The following SETD3 variants were observed in gnomAD, a reference collection of about 807,000 sequenced individuals.
SETD3 encodes the protein actin-histidine N-methyltransferase.
SETD3 carries 19 observed loss-of-function variants against 63.0 expected under a neutral mutation model. That is an observed-to-expected ratio of 0.30 (90% CI 0.21 to 0.44). SETD3 has a LOEUF of 0.44. Ranked by LOEUF, SETD3 falls within the 20% of genes least tolerant of loss-of-function variation. The pLI is 1.00. For missense variants in SETD3, 587 were observed against 728.5 expected, an observed-to-expected ratio of 0.81 and a Z score of 2.24; for synonymous variants, 286 against 264.1, an observed-to-expected ratio of 1.08 and a Z score of -0.80.
At chr14:99,428,233 G>A in intron 6 of SETD3, among the ~76,000 whole-genome samples, 1 of 152,202 alleles carries the variant, frequency 6.6e-6, no homozygotes. Context: ...GAGTTTGCTG[G>A]CACTTGAGAG....
At chr14:99,419,788 A>G (rs1892486849) in intron 6 of SETD3, among the ~76,000 whole-genome samples, 1 of 144,198 alleles carries the variant, frequency 6.9e-6, no homozygotes, top group Non-Finnish European at 1.5e-5. Flanking sequence ...AAAAAAAACA[A>G]AAAAAAAAAC....
At chr14:99,481,532 G>C (rs1038981241), upstream of SETD3, 1 of 398,534 alleles carries the variant, frequency 2.5e-6, no homozygotes, top group South Asian at 1.3e-4. Context: ...CGTATCTGGA[G>C]GTCGGAGTAG....
chr14:99,447,870 G>A (rs1367858400), intron 6 of SETD3, among the ~76,000 whole-genome samples: 1 of 152,202 alleles, frequency 6.6e-6, no homozygotes, highest in Non-Finnish European at 1.5e-5. Context: ...AAACGAAGAG[G>A]TGGAGTGATC....
chr14:99,401,452 C>A (rs1486668507), intron 11 of SETD3, among the ~76,000 whole-genome samples: 2 of 152,166 alleles, frequency 1.3e-5, no homozygotes, highest in African/African-American at 4.8e-5. Context: ...AACTGAAGAA[C>A]TGCGGCTGCC....
chr14:99,430,235 G>GCA (rs1198571320), intron 6 of SETD3, among the ~76,000 whole-genome samples: 2 of 152,196 alleles, frequency 1.3e-5, no homozygotes, highest in Non-Finnish European at 2.9e-5. Context: ...GCACAGATAT[G>GCA]CACACACACA....
At chr14:99,455,974 G>A (rs1894736200) in intron 6 of SETD3, among the ~76,000 whole-genome samples, 1 of 152,230 alleles carries the variant, frequency 6.6e-6, no homozygotes, top group African/African-American at 2.4e-5. Context: ...CGCCAACGTG[G>A]CGAAACTCCA....
intron 8 of SETD3, among the ~76,000 whole-genome samples, chr14:99,407,392 C>T (rs1251397796): frequency 6.6e-6 from 1 of 152,186 alleles, no homozygotes; most frequent in Non-Finnish European, 1.5e-5. Context: ...GACTTTCTTC[C>T]TCATTCCTCT....
rs1566867814 is a variant in SETD3 at position 99,398,744 on chromosome 14, T to C, written c.1720A>G (p.Ser574Gly). 1 of 1,614,248 alleles carries C rather than the reference T, an allele frequency of 6.2e-7. No homozygotes were observed. Among genetic ancestry groups the C allele is most frequent in the Non-Finnish European group, 8.5e-7 (1 of 1,180,048 alleles). Residue 574 changes from serine (S) to glycine (G), a missense_variant, in exon 13 of 13, where the codon AGT becomes GGT. Coordinates refer to ENST00000331768, the MANE Select transcript of SETD3 (RefSeq NM_032233.3). ...TTGGCGTCTTCAACTGCTCTTTTAC[T>C]TTCTTGATTGAGACTTTCATTTTCG... ...RSENESLNQE[S>G]KRAVEDAKGS...
At chr14:99,478,080 G>C (rs906018342) in intron 1 of SETD3, among the ~76,000 whole-genome samples, 8 of 152,052 alleles carry the variant, frequency 5.3e-5, no homozygotes, top group African/African-American at 1.9e-4. Context: ...ACTATAGCAG[G>C]AGAGAAAAGA....
chr14:99,475,880 C>G (rs1285983942), intron 1 of SETD3, among the ~76,000 whole-genome samples: 1 of 152,180 alleles, frequency 6.6e-6, no homozygotes, highest in Non-Finnish European at 1.5e-5. Flanking sequence ...TAGGACAAGA[C>G]AGTAATCAAC....
rs556008654 is a variant in SETD3, at chr14:99,459,076, T to C, written c.418+37A>G. 31 of 1,507,756 alleles carry C rather than the reference T, an allele frequency of 2.1e-5. 1 individual carries two copies. In the South Asian group the frequency reaches 3.7e-4, roughly 18 times the overall value. 93.4% of individuals were successfully genotyped at this position (1,507,756 alleles called of 1,614,324 possible). A position where few individuals can be genotyped will look rare whatever the true frequency, so the allele number is the denominator to read the frequency against. On this transcript the variant is annotated intron_variant, in intron 5 of 12. Transcript: ENST00000331768. ...ATGGAATTTTACATATTTTTGTCATTTGTGCTTTGCCTTGAAGAGTCAGAA... is the reference window on the plus strand; with the variant it reads ...ATGGAATTTTACATATTTTTGTCATCTGTGCTTTGCCTTGAAGAGTCAGAA...
chr14:99,406,824 T>C (rs545515485), intron 8 of SETD3, among the ~76,000 whole-genome samples: 6 of 152,298 alleles, frequency 3.9e-5, no homozygotes, highest in Non-Finnish European at 7.4e-5. Context: ...GAAGCACAGT[T>C]AGATAAAGAG....
At chr14:99,440,607 G>A (rs761331372) in intron 6 of SETD3, among the ~76,000 whole-genome samples, 7 of 152,098 alleles carry the variant, frequency 4.6e-5, no homozygotes, top group Non-Finnish European at 5.9e-5. Context: ...GGAGTGGAAC[G>A]TGGCAATGGG....
chr14:99,410,218 G>C (rs370769322), intron 8 of SETD3: 1 of 1,613,752 alleles, frequency 6.2e-7, no homozygotes, highest in Non-Finnish European at 8.5e-7. Context: ...TCTGGTGTCT[G>C]AAGAATAGCA....
chr14:99,436,258 G>A lies in SETD3; in HGVS notation c.675+22021C>T, dbSNP rs141200074. On this transcript the variant is annotated intron_variant, in intron 6 of 12. Coordinates refer to ENST00000331768, the MANE Select transcript of SETD3 (RefSeq NM_032233.3). ...CACAAAGCCTAACCAGATCACCACC[G>A]TACTTCCGCCTTCCAAGTGACTCCC... Among the ~76,000 whole-genome samples the A allele has an allele frequency of 9.2e-5, 14 of 152,224 alleles. No homozygotes were observed. The East Asian group carries it at 1.9e-3, about 21-fold the overall frequency.
At chr14:99,443,143 G>A (rs1177319436) in intron 6 of SETD3, among the ~76,000 whole-genome samples, 1 of 151,752 alleles carries the variant, frequency 6.6e-6, no homozygotes, top group African/African-American at 2.4e-5. Flanking sequence ...AACAAATGTG[G>A]GTTTTTACAT....
intron 8 of SETD3, among the ~76,000 whole-genome samples, chr14:99,409,573 G>A (rs1297838614): frequency 1.3e-5 from 2 of 152,082 alleles, no homozygotes; most frequent in Non-Finnish European, 2.9e-5. Flanking sequence ...TTCTAGTTTC[G>A]TTTACATATT....
chr14:99,405,833 T>C (rs1891651942), intron 9 of SETD3, among the ~76,000 whole-genome samples: 1 of 152,268 alleles, frequency 6.6e-6, no homozygotes, highest in African/African-American at 2.4e-5. Flanking sequence ...CTAGATCCTC[T>C]GGCAATTAAT....
chr14:99,455,913 G>C (rs181050893), intron 6 of SETD3, among the ~76,000 whole-genome samples: 1 of 152,372 alleles, frequency 6.6e-6, no homozygotes, highest in Admixed American at 6.5e-5. Context: ...CCAGCACTTT[G>C]GGAGGACAAG....
Sources: allele counts gnomAD v4.1 joint callset (sites outside exome capture counted in the v4.1 genomes callset), GRCh38; gene constraint gnomAD v4.1.1; transcripts MANE v1.5; gene names NCBI Gene and HGNC (gene_info 2026-07-23, HGNC 2026-07-21).